The following ANKRD6 variants were observed in gnomAD, a reference collection of about 807,000 sequenced individuals.
The protein encoded by ANKRD6 is ankyrin repeat domain-containing protein 6.
In ANKRD6, 56 loss-of-function variants were observed where a neutral mutation model predicts 82.3. The observed-to-expected ratio is 0.68, with a 90% CI of 0.55 to 0.85. The LOEUF (loss-of-function observed/expected upper bound fraction) is 0.85, where lower values mean the gene tolerates loss of function less well. Ranked by LOEUF, ANKRD6 falls within the 40% of genes least tolerant of loss-of-function variation. The pLI is 0.00. For synonymous variants in ANKRD6, 347 were observed against 352.1 expected (o/e 0.99, Z 0.16); for missense variants, 852 against 907.6 (o/e 0.94, Z 0.79).
chr6:89,563,028 T>C (rs1315552729), intron 1 of ANKRD6: 2 of 152,212 alleles, frequency 1.3e-5, no homozygotes, highest in African/African-American at 2.4e-5. Context: ...ACATAATGCC[T>C]GGCCGGGACT....
At chr6:89,553,877 A>T (rs1391978643) in intron 1 of ANKRD6, among the ~76,000 whole-genome samples, 1 of 152,216 alleles carries the variant, frequency 6.6e-6, no homozygotes. Flanking sequence ...TGTATGAAGG[A>T]TATGTAGCCA....
At chr6:89,514,985 C>T (rs1421770633) in intron 1 of ANKRD6, among the ~76,000 whole-genome samples, 1 of 152,196 alleles carries the variant, frequency 6.6e-6, no homozygotes, top group Admixed American at 6.5e-5. Context: ...GTCTGGATAA[C>T]CTGTTTGGTG....
intron 1 of ANKRD6, among the ~76,000 whole-genome samples, chr6:89,485,255 A>T (rs1011894009): frequency 2.0e-5 from 3 of 152,238 alleles, no homozygotes; most frequent in African/African-American, 4.8e-5. Context: ...CAATACGCTC[A>T]GTGTCTGTCT....
chr6:89,459,367 C>T (rs1409295910), intron 1 of ANKRD6, among the ~76,000 whole-genome samples: 2 of 152,186 alleles, frequency 1.3e-5, no homozygotes, highest in Non-Finnish European at 2.9e-5. Context: ...CATGAGCCAC[C>T]ATGCCTGGCT....
At chr6:89,529,245 T>G (rs1376671898) in intron 1 of ANKRD6, among the ~76,000 whole-genome samples, 1 of 152,222 alleles carries the variant, frequency 6.6e-6, no homozygotes, top group East Asian at 1.9e-4. Context: ...CTTAGCTAGA[T>G]TTTCTCTTCT....
chr6:89,499,404 T>C (rs994385351), intron 1 of ANKRD6, among the ~76,000 whole-genome samples: 6 of 152,186 alleles, frequency 3.9e-5, no homozygotes, highest in Admixed American at 3.9e-4. Context: ...TTGATACTTA[T>C]GTGTTTGTCA....
At position 89,631,257 on chromosome 6, in the gene ANKRD6, T is replaced by A. The variant is rs146719322; in HGVS notation, c.*253T>A. 5.1e-4 allele frequency: 237 copies of A among 463,790 alleles called. 1 individual carries two copies. Among genetic ancestry groups the A allele is most frequent in the African/African-American group, 4.6e-3 (229 of 49,662 alleles). 28.7% of individuals were successfully genotyped at this position (463,790 alleles called of 1,614,324 possible). ...TATAAACTCTTAGCCTCAGTCCAGG[T>A]TAATCTGAAGTTTGAAAGCTCAGAT... is the stretch of plus-strand genomic sequence containing the variant. On this transcript the variant is annotated 3_prime_UTR_variant, in exon 16 of 16. Coordinates refer to ENST00000339746, the MANE Select transcript of ANKRD6 (RefSeq NM_001242809.2).
chr6:89,596,555 C>G (rs1173978807), intron 3 of ANKRD6, among the ~76,000 whole-genome samples: 2 of 152,126 alleles, frequency 1.3e-5, no homozygotes, highest in African/African-American at 4.8e-5. Context: ...AAAAGGAGGC[C>G]TCCAGAAAGA....
At chr6:89,504,717 T>G (rs898231999) in intron 1 of ANKRD6, among the ~76,000 whole-genome samples, 7 of 152,176 alleles carry the variant, frequency 4.6e-5, no homozygotes, top group African/African-American at 1.4e-4. Context: ...AGGACGGTCT[T>G]GAAGTAAAGG....
chr6:89,495,271 C>A (rs974547396), intron 1 of ANKRD6, among the ~76,000 whole-genome samples: 1 of 151,776 alleles, frequency 6.6e-6, no homozygotes, highest in Non-Finnish European at 1.5e-5. Context: ...ACAGAAGAAC[C>A]AACTGGCTTT....
In ANKRD6 at chr6:89,631,074, C is replaced by A; in HGVS notation, c.*70C>A. On this transcript the variant is annotated 3_prime_UTR_variant, in exon 16 of 16. Coordinates refer to ENST00000339746, the MANE Select transcript of ANKRD6 (RefSeq NM_001242809.2). ...TTTTGCAACTGCATAATAGCTATGC[C>A]CAAGGAGTCAACTATTGTATATATT... 5.5e-6 allele frequency: 8 copies of A among 1,443,808 alleles called. No homozygotes were observed. The highest frequency in any genetic ancestry group is 1.8e-4 in the Middle Eastern group (1 of 5,526). The allele number at this position is 1,443,808 out of a possible 1,614,324, so 89.4% of individuals were successfully genotyped here.
chr6:89,502,064 C>G (rs1041750179), intron 1 of ANKRD6, among the ~76,000 whole-genome samples: 19 of 152,196 alleles, frequency 1.2e-4, no homozygotes, highest in Admixed American at 2.6e-4. Context: ...TTAAATTACA[C>G]TTGCCTTAAA....
At chr6:89,487,638 G>A (rs531553871) in intron 1 of ANKRD6, among the ~76,000 whole-genome samples, 4 of 152,146 alleles carry the variant, frequency 2.6e-5, no homozygotes, top group Non-Finnish European at 5.9e-5. Flanking sequence ...AAATGAATTA[G>A]CCACAAAACA....
At chr6:89,502,258 T>C (rs1431356923) in intron 1 of ANKRD6, among the ~76,000 whole-genome samples, 5 of 152,232 alleles carry the variant, frequency 3.3e-5, no homozygotes, top group African/African-American at 1.2e-4. Context: ...TTTCAAATAA[T>C]GTAACATTGC....
chr6:89,624,194 C>A, intron 12 of ANKRD6, 137 bp downstream of exon 12: 2 of 1,010,678 alleles, frequency 2.0e-6, no homozygotes, highest in Non-Finnish European at 2.8e-6. Flanking sequence ...AGCCAGATGG[C>A]CTCCCCACCT....
At chr6:89,442,196 A>G (rs1161967026) in intron 1 of ANKRD6, among the ~76,000 whole-genome samples, 3 of 151,660 alleles carry the variant, frequency 2.0e-5, no homozygotes, top group Non-Finnish European at 4.4e-5. Context: ...GGGTTTCGCC[A>G]TGTTCCCTAG....
At chr6:89,462,124 C>T (rs537924714) in intron 1 of ANKRD6, among the ~76,000 whole-genome samples, 1 of 151,764 alleles carries the variant, frequency 6.6e-6, no homozygotes, top group Non-Finnish European at 1.5e-5. Flanking sequence ...TCCAGCTACT[C>T]AGGGGGCTGA....
intron 1 of ANKRD6, among the ~76,000 whole-genome samples, chr6:89,545,997 C>T (rs538923512): frequency 2.4e-4 from 36 of 152,186 alleles, no homozygotes; most frequent in Non-Finnish European, 3.8e-4. Flanking sequence ...TTAGTAGAGA[C>T]GGGGTTTCAC....
chr6:89,616,061 C>G (rs929535633), intron 7 of ANKRD6, among the ~76,000 whole-genome samples: 4 of 152,204 alleles, frequency 2.6e-5, no homozygotes, highest in Non-Finnish European at 4.4e-5. Context: ...CAGATCTACC[C>G]GCTGTAGCTG....
Sources: allele counts gnomAD v4.1 joint callset (sites outside exome capture counted in the v4.1 genomes callset), GRCh38; gene constraint gnomAD v4.1.1; transcripts MANE v1.5; gene names NCBI Gene and HGNC (gene_info 2026-07-23, HGNC 2026-07-21).